Variants in PRR5L observed in about 807,000 individuals in gnomAD.
PRR5L encodes the protein proline rich 5 like, also known as proline-rich protein 5-like.
Under a neutral mutation model 36.4 loss-of-function variants are expected in PRR5L, and 21 were observed. That is an observed-to-expected ratio of 0.58 (90% CI 0.41 to 0.83). The LOEUF (loss-of-function observed/expected upper bound fraction) is 0.83. Among genes scored for constraint, PRR5L ranks in the 40% least tolerant of loss-of-function variants. The probability of loss-of-function intolerance (pLI) is 0.00; values close to 1 mark genes in which losing one functional copy is unlikely to be tolerated. For missense variants in PRR5L, 381 were observed against 473.3 expected (o/e 0.80, Z 1.81); for synonymous variants, 188 against 197.0 (o/e 0.95, Z 0.38).
chr11:36,375,918 C>A (rs1195896596), intron 1 of PRR5L: 2 of 307,032 alleles, frequency 6.5e-6, no homozygotes, highest in Non-Finnish European at 6.5e-6. Flanking sequence ...CGCCAGAGTT[C>A]CAGGCTCCAC....
chr11:36,321,887 C>G (rs1856616862), intron 1 of PRR5L, among the ~76,000 whole-genome samples: 2 of 152,190 alleles, frequency 1.3e-5, no homozygotes, highest in African/African-American at 4.8e-5. Flanking sequence ...CTTCCCTCTG[C>G]AGGTGTCTGT....
chr11:36,369,805 C>G (rs993899253), intron 1 of PRR5L, among the ~76,000 whole-genome samples: 3 of 152,146 alleles, frequency 2.0e-5, no homozygotes, highest in Non-Finnish European at 4.4e-5. Flanking sequence ...CCATGTTGGC[C>G]AGGCTGGTCT....
chr11:36,339,370 C>T (rs968304438), intron 1 of PRR5L, among the ~76,000 whole-genome samples: 10 of 152,142 alleles, frequency 6.6e-5, no homozygotes, highest in Admixed American at 4.6e-4. Context: ...CTGGGATTAC[C>T]GGAGTGAGCC....
intron 1 of PRR5L, among the ~76,000 whole-genome samples, chr11:36,365,804 T>A (rs1289399122): frequency 2.0e-5 from 3 of 152,196 alleles, no homozygotes; most frequent in African/African-American, 7.2e-5. Context: ...CCAGTCTGTG[T>A]TATTGTCAGA....
intron 1 of PRR5L, among the ~76,000 whole-genome samples, chr11:36,328,250 A>G (rs1856684663): frequency 1.3e-5 from 2 of 152,200 alleles, no homozygotes; most frequent in African/African-American, 4.8e-5. Flanking sequence ...ACTCAGAAAT[A>G]TGAGTGGGAA....
rs999124220 is a variant in PRR5L at position 36,437,255 on chromosome 11, G to A, written c.353-130G>A. On this transcript the variant is annotated intron_variant, in intron 5 of 8. Transcript: ENST00000530639. ...CACCTCTGCTCTCTGGGCTTTAATA[G>A]CTCCTGGCTGCAAGTTTTTTAGCAT... 3 of 767,314 alleles carry A rather than the reference G, an allele frequency of 3.9e-6. No individual in the cohort carries two copies. In the Admixed American group the frequency reaches 5.2e-5, roughly 13 times the overall value. The allele number at this position is 767,314 out of a possible 1,614,324, so 47.5% of individuals were successfully genotyped here.
At chr11:36,411,282 G>A (rs1317850077) in intron 3 of PRR5L, among the ~76,000 whole-genome samples, 3 of 152,132 alleles carry the variant, frequency 2.0e-5, no homozygotes, top group African/African-American at 7.2e-5. Context: ...CCAGCTTTTA[G>A]TAATGCCTCC....
chr11:36,336,221 A>T (rs951091148), intron 1 of PRR5L, among the ~76,000 whole-genome samples: 1 of 152,188 alleles, frequency 6.6e-6, no homozygotes, highest in Non-Finnish European at 1.5e-5. Context: ...AATGTATTTT[A>T]AAAAGAAAAC....
chr11:36,363,729 ACACTGGCAAGG>A (rs1374596915), intron 1 of PRR5L, among the ~76,000 whole-genome samples: 3 of 152,194 alleles, frequency 2.0e-5, no homozygotes, highest in African/African-American at 7.2e-5. Flanking sequence ...TACCTGCCTG[ACACTGGCAAGG>A]CACTTACTCT....
At chr11:36,365,318 G>A (rs1035632094) in intron 1 of PRR5L, among the ~76,000 whole-genome samples, 2 of 151,956 alleles carry the variant, frequency 1.3e-5, no homozygotes, top group African/African-American at 2.4e-5. Context: ...TTAAAAAGCC[G>A]AAAGCAGAGT....
chr11:36,456,980 C>A, intron 8 of PRR5L, among the ~76,000 whole-genome samples: 1 of 152,218 alleles, frequency 6.6e-6, no homozygotes, highest in East Asian at 1.9e-4. Flanking sequence ...AGGGCAGCCC[C>A]CCTCTGGCTC....
At position 36,351,002 on chromosome 11, in the gene PRR5L, A is replaced by ATT. The variant is rs1234352679; in HGVS notation, c.-125-49994_-125-49993insTT. Reference sequence around the variant, plus strand: ...TATTTATATATTTATATATTTATATATATTTATATAGTTATATATTTATAT... The same window carrying ATT: ...TATTTATATATTTATATATTTATATATTTATTTATATAGTTATATATTTATAT... On this transcript the variant is annotated intron_variant, in intron 1 of 8. Transcript: ENST00000530639. 8.5e-4 allele frequency among the ~76,000 whole-genome samples: 87 copies of ATT among 102,874 alleles called. 4 individuals carry two copies. Among genetic ancestry groups the ATT allele is most frequent in the South Asian group, 3.5e-3 (12 of 3,460 alleles). 67.5% of individuals were successfully genotyped at this position (102,874 alleles called of 152,430 possible).
intron 1 of PRR5L, among the ~76,000 whole-genome samples, chr11:36,342,508 C>T (rs182773050): frequency 6.6e-5 from 10 of 152,304 alleles, no homozygotes; most frequent in African/African-American, 2.4e-4. Flanking sequence ...TGGTATTCCA[C>T]ACTGATCAGT....
At chr11:36,406,121 C>T (rs1417885925) in intron 3 of PRR5L, among the ~76,000 whole-genome samples, 3 of 150,170 alleles carry the variant, frequency 2.0e-5, no homozygotes, top group East Asian at 3.9e-4. Context: ...TTTTTGCCAT[C>T]GTTCCTTTCC....
chr11:36,299,191 C>T (rs934405145), intron 1 of PRR5L, among the ~76,000 whole-genome samples: 2 of 151,808 alleles, frequency 1.3e-5, no homozygotes, highest in Admixed American at 1.3e-4. Flanking sequence ...GGAAAATGCT[C>T]GTTTCATTAT....
At chr11:36,312,097 A>G (rs931658447) in intron 1 of PRR5L, among the ~76,000 whole-genome samples, 1 of 152,186 alleles carries the variant, frequency 6.6e-6, no homozygotes, top group Non-Finnish European at 1.5e-5. Flanking sequence ...AGGGCTTGGG[A>G]GTAGGAACAG....
At chr11:36,300,168 C>A (rs756481178) in intron 1 of PRR5L, among the ~76,000 whole-genome samples, 16 of 151,992 alleles carry the variant, frequency 1.1e-4, no homozygotes, top group Admixed American at 5.9e-4. Context: ...ATACCTGAGA[C>A]TGGGTAATTT....
intron 1 of PRR5L, among the ~76,000 whole-genome samples, chr11:36,340,452 C>T (rs150087144): frequency 1.3e-5 from 2 of 152,276 alleles, no homozygotes; most frequent in Non-Finnish European, 2.9e-5. Context: ...ACAGAGTGCG[C>T]ATGCATATAA....
At chr11:36,326,402 G>A (rs796216738) in intron 1 of PRR5L, among the ~76,000 whole-genome samples, 1 of 149,538 alleles carries the variant, frequency 6.7e-6, no homozygotes, top group African/African-American at 2.5e-5. Flanking sequence ...ATTCTAACTG[G>A]ATCTTCTAAT....
Sources: allele counts gnomAD v4.1 joint callset (sites outside exome capture counted in the v4.1 genomes callset), GRCh38; gene constraint gnomAD v4.1.1; transcripts MANE v1.5; gene names NCBI Gene and HGNC (gene_info 2026-07-23, HGNC 2026-07-21).